DLG1: variants seen among roughly 807,000 people sequenced by gnomAD.
DLG1 encodes the protein disks large homolog 1.
A neutral mutation model predicts 123.4 loss-of-function variants in DLG1; 42 were observed. The ratio of observed to expected loss-of-function variants is 0.34; its 90% confidence interval spans 0.27 to 0.44. The LOEUF is 0.44. Among genes scored for constraint, DLG1 ranks in the 20% least tolerant of loss-of-function variants. DLG1 has a pLI of 1.00. For synonymous variants in DLG1, 317 were observed against 356.2 expected (o/e 0.89, Z 1.24); for missense variants, 942 against 1,082.6 (o/e 0.87, Z 1.82).
chr3:197,298,819 A>G (rs1035257889), upstream of DLG1, among the ~76,000 whole-genome samples: 2 of 152,156 alleles, frequency 1.3e-5, no homozygotes, highest in Admixed American at 6.5e-5. Flanking sequence ...AGAAGGACAT[A>G]TGAAATAGAG....
chr3:197,183,935 C>A (rs1229000481), intron 5 of DLG1: 75 of 1,435,928 alleles, frequency 5.2e-5, no homozygotes, highest in Non-Finnish European at 6.7e-5. Context: ...AAAATAAAAA[C>A]CTTGAGAAAT....
chr3:197,044,723 A>G lies in DLG1; in HGVS notation c.2582T>C (p.Val861Ala), dbSNP rs1478761741. The G allele has an allele frequency of 6.4e-7, 1 of 1,558,818 alleles. No homozygotes were observed. The highest frequency in any genetic ancestry group is 1.4e-5 in the African/African-American group (1 of 72,872). ...AATGTCTTCCAGCGTATCCCCCTGT[A>G]CAATAGCTGTAATGATAGAAACAAA... is the stretch of plus-strand genomic sequence containing the variant. Reference protein sequence around the residue: ...QEFTEHFTAIVQGDTLEDIYN... With the variant: ...QEFTEHFTAIAQGDTLEDIYN... Residue 861 changes from valine to alanine, a missense_variant, in exon 25 of 25, where the codon GTA becomes GCA. Coordinates refer to ENST00000667157, the MANE Select transcript of DLG1 (RefSeq NM_001366207.1).
intron 19 of DLG1, among the ~76,000 whole-genome samples, chr3:197,067,437 AAAGGTT>A: frequency 6.6e-6 from 1 of 152,242 alleles, no homozygotes; most frequent in Non-Finnish European, 1.5e-5. Context: ...TAAAGCTTCT[AAAGGTT>A]AAATTAAAGG....
At chr3:197,175,211 A>C (rs974479761) in intron 5 of DLG1, among the ~76,000 whole-genome samples, 1 of 152,208 alleles carries the variant, frequency 6.6e-6, no homozygotes, top group Non-Finnish European at 1.5e-5. Context: ...AAAAGGTGGT[A>C]ACTGTAGGCT....
chr3:197,298,775 T>C (rs753257610), upstream of DLG1: 9 of 395,188 alleles, frequency 2.3e-5, no homozygotes, highest in Admixed American at 4.4e-5. Flanking sequence ...TCTTCGTCCC[T>C]TAGTAATAGG....
At chr3:197,190,878 C>T (rs970019504) in intron 5 of DLG1, among the ~76,000 whole-genome samples, 5 of 152,068 alleles carry the variant, frequency 3.3e-5, no homozygotes, top group Admixed American at 1.3e-4. Flanking sequence ...GGCGTGGTGG[C>T]GGGCGCCTGT....
intron 1 of DLG1, chr3:197,297,449 A>G: frequency 7.3e-7 from 1 of 1,378,086 alleles, no homozygotes; most frequent in Non-Finnish European, 9.4e-7. Context: ...AACAGACAGA[A>G]GTCGGCTTCC....
chr3:197,066,595 T>TA (rs140259336), intron 20 of DLG1, 109 bp downstream of exon 20: 176,936 of 692,330 alleles, frequency 0.26, 23,283 homozygotes, highest in African/African-American at 0.42. Flanking sequence ...GTATATGTAG[T>TA]AAAAAAAAAT....
chr3:197,077,976 G>GC (rs2149023832), intron 17 of DLG1, among the ~76,000 whole-genome samples: 1 of 152,074 alleles, frequency 6.6e-6, no homozygotes, highest in South Asian at 2.1e-4. Flanking sequence ...AGAACAGTGT[G>GC]TTTTTGGCAT....
chr3:197,148,289 G>A (rs539534793), intron 6 of DLG1, among the ~76,000 whole-genome samples: 2 of 144,442 alleles, frequency 1.4e-5, no homozygotes, highest in African/African-American at 5.1e-5. Flanking sequence ...ACGTGTCCGT[G>A]TTCCCAACTA....
intron 13 of DLG1, among the ~76,000 whole-genome samples, chr3:197,112,146 T>C (rs758081912): frequency 1.3e-5 from 2 of 152,102 alleles, no homozygotes; most frequent in Non-Finnish European, 2.9e-5. Context: ...TCAATGAATG[T>C]TGTTATTTTT....
chr3:197,297,802 A>C, intron 1 of DLG1: 1 of 985,344 alleles, frequency 1.0e-6, no homozygotes, highest in Non-Finnish European at 1.2e-6. Context: ...GCCGCCACAA[A>C]GTTCCGGTGA....
At chr3:197,198,568 A>T (rs1425879947) in intron 4 of DLG1, among the ~76,000 whole-genome samples, 2 of 152,150 alleles carry the variant, frequency 1.3e-5, no homozygotes, top group African/African-American at 4.8e-5. Context: ...TACTGTCCAG[A>T]ATACATCTTA....
intron 3 of DLG1, among the ~76,000 whole-genome samples, chr3:197,291,845 T>C (rs1159833929): frequency 5.3e-5 from 8 of 152,214 alleles, no homozygotes; most frequent in Non-Finnish European, 1.2e-4. Flanking sequence ...AATGATATAT[T>C]TGTATTAGCA....
intron 6 of DLG1, among the ~76,000 whole-genome samples, chr3:197,145,902 A>T (rs1031692269): frequency 6.6e-6 from 1 of 152,026 alleles, no homozygotes; most frequent in African/African-American, 2.4e-5. Flanking sequence ...AGACAGGAGA[A>T]GCACTTGAAC....
intron 4 of DLG1, among the ~76,000 whole-genome samples, chr3:197,275,177 C>A (rs1251852441): frequency 2.3e-5 from 3 of 130,742 alleles, no homozygotes; most frequent in Admixed American, 8.3e-5. Flanking sequence ...CAGAGCAAGA[C>A]TCTGTCTCAA....
intron 13 of DLG1, among the ~76,000 whole-genome samples, chr3:197,114,806 C>A (rs6807705): frequency 0.4 from 59,843 of 151,498 alleles, 12,382 homozygotes; most frequent in East Asian, 0.74. Flanking sequence ...CAAGGTGAAA[C>A]CCCGTCTCTA....
intron 10 of DLG1, among the ~76,000 whole-genome samples, chr3:197,133,323 A>G (rs1446152976): frequency 6.6e-6 from 1 of 152,218 alleles, no homozygotes; most frequent in Non-Finnish European, 1.5e-5. Flanking sequence ...GCACCTGGCT[A>G]ACAGTCCCAG....
At chr3:197,249,159 C>T (rs1753180059) in intron 4 of DLG1, among the ~76,000 whole-genome samples, 1 of 151,894 alleles carries the variant, frequency 6.6e-6, no homozygotes, top group Non-Finnish European at 1.5e-5. Context: ...AAATCAACTA[C>T]CTTTTAGCTA....
Sources: allele counts gnomAD v4.1 joint callset (sites outside exome capture counted in the v4.1 genomes callset), GRCh38; gene constraint gnomAD v4.1.1; transcripts MANE v1.5; gene names NCBI Gene and HGNC (gene_info 2026-07-23, HGNC 2026-07-21).